The following SLC35D4 variants were observed in gnomAD, a reference collection of about 807,000 sequenced individuals.
The protein encoded by SLC35D4 is UDP-N-acetylglucosamine transporter SLC35D4.
the SLC35D4 span, among the ~76,000 whole-genome samples, chr18:23,373,302 G>A: frequency 6.6e-6 from 1 of 152,176 alleles, no homozygotes; most frequent in Non-Finnish European, 1.5e-5. Flanking sequence ...GCAACAGGGT[G>A]AGACTCTGTC....
the SLC35D4 span, among the ~76,000 whole-genome samples, chr18:23,405,851 A>G: frequency 4.6e-5 from 7 of 152,238 alleles, no homozygotes; most frequent in African/African-American, 1.7e-4. Context: ...GTGCTGTCAC[A>G]ATCCAGTGGG....
the SLC35D4 span, chr18:23,365,706 C>T: frequency 2.1e-5 from 33 of 1,606,446 alleles, no homozygotes; most frequent in African/African-American, 8.0e-5. Flanking sequence ...GAAGTTTCCC[C>T]GGCACCAAAA....
the SLC35D4 span, among the ~76,000 whole-genome samples, chr18:23,374,120 G>A: frequency 6.6e-6 from 1 of 152,120 alleles, no homozygotes; most frequent in South Asian, 2.1e-4. Context: ...ATATACAAGT[G>A]AAAAACTGGG....
chr18:23,381,261 G>A, the SLC35D4 span, among the ~76,000 whole-genome samples: 11 of 152,198 alleles, frequency 7.2e-5, no homozygotes, highest in South Asian at 2.1e-4. Flanking sequence ...GTTTCTTACC[G>A]TTCGTGTAAA....
At chr18:23,274,788 T>G in the SLC35D4 span, among the ~76,000 whole-genome samples, 5 of 152,188 alleles carry the variant, frequency 3.3e-5, no homozygotes, top group African/African-American at 1.2e-4. Flanking sequence ...TCACATCTGA[T>G]TCCAGTGCTC....
the SLC35D4 span, among the ~76,000 whole-genome samples, chr18:23,427,501 T>C: frequency 6.6e-6 from 1 of 151,946 alleles, no homozygotes; most frequent in Non-Finnish European, 1.5e-5. Flanking sequence ...ATGGCGATCA[T>C]TAAAAAGTCA....
the SLC35D4 span, among the ~76,000 whole-genome samples, chr18:23,252,030 G>A: frequency 7.6e-4 from 113 of 148,520 alleles, no homozygotes; most frequent in African/African-American, 2.7e-3. Flanking sequence ...AGGTTGCAGC[G>A]AACCAAGATT....
the SLC35D4 span, among the ~76,000 whole-genome samples, chr18:23,422,581 C>G: frequency 6.6e-6 from 1 of 152,296 alleles, no homozygotes; most frequent in South Asian, 2.1e-4. Context: ...GTCCCCCTCT[C>G]TCCAAGGTTG....
the SLC35D4 span, among the ~76,000 whole-genome samples, chr18:23,389,186 A>T: frequency 6.6e-6 from 1 of 151,952 alleles, no homozygotes; most frequent in Non-Finnish European, 1.5e-5. Context: ...ACGAGGTTTC[A>T]CCATGTTGGC....
At chr18:23,263,283 G>C in the SLC35D4 span, among the ~76,000 whole-genome samples, 5 of 152,216 alleles carry the variant, frequency 3.3e-5, no homozygotes, top group Non-Finnish European at 7.4e-5. Context: ...TTGAGTTAGA[G>C]GAGGTCTTCT....
the SLC35D4 span, among the ~76,000 whole-genome samples, chr18:23,315,321 T>G: frequency 6.6e-6 from 1 of 152,136 alleles, no homozygotes; most frequent in Non-Finnish European, 1.5e-5. Context: ...TAATTCCTAC[T>G]CACCATTCAA....
chr18:23,352,271 A>G, the SLC35D4 span: 1 of 1,607,658 alleles, frequency 6.2e-7, no homozygotes, highest in Non-Finnish European at 8.5e-7. Flanking sequence ...TGAACATGAG[A>G]AAGAATCCCA....
chr18:23,291,779 C>G, the SLC35D4 span, among the ~76,000 whole-genome samples: 1 of 152,174 alleles, frequency 6.6e-6, no homozygotes, highest in Non-Finnish European at 1.5e-5. Context: ...AGTCGCAGAG[C>G]CAGCCCAGAC....
chr18:23,270,974 T>C, the SLC35D4 span, among the ~76,000 whole-genome samples: 1 of 152,216 alleles, frequency 6.6e-6, no homozygotes, highest in East Asian at 1.9e-4. Context: ...TGTGAGGACA[T>C]GAGATTTGGG....
the SLC35D4 span, among the ~76,000 whole-genome samples, chr18:23,286,581 T>C: frequency 9.2e-5 from 14 of 151,950 alleles, no homozygotes; most frequent in Non-Finnish European, 1.8e-4. Context: ...ATGCCGAGCT[T>C]CAGGTAACTC....
the SLC35D4 span, among the ~76,000 whole-genome samples, chr18:23,325,872 C>T: frequency 6.6e-6 from 1 of 152,220 alleles, no homozygotes; most frequent in Non-Finnish European, 1.5e-5. Flanking sequence ...CATCAAGTGT[C>T]CTTCTCTATC....
At chr18:23,246,602 A>T in the SLC35D4 span, among the ~76,000 whole-genome samples, 1 of 151,854 alleles carries the variant, frequency 6.6e-6, no homozygotes, top group African/African-American at 2.4e-5. Flanking sequence ...CGTGTTAGCC[A>T]GGATGGTCTC....
At chr18:23,340,600 A>C in the SLC35D4 span, among the ~76,000 whole-genome samples, 1 of 152,168 alleles carries the variant, frequency 6.6e-6, no homozygotes, top group South Asian at 2.1e-4. Flanking sequence ...CCAAATCAAG[A>C]GACTTATTCT....
At chr18:23,385,204 T>C in the SLC35D4 span, 1 of 713,594 alleles carries the variant, frequency 1.4e-6, no homozygotes, top group Non-Finnish European at 2.3e-6. Context: ...AGCAAAGACT[T>C]CTACATGGAT....
Sources: allele counts gnomAD v4.1 joint callset (sites outside exome capture counted in the v4.1 genomes callset), GRCh38; gene constraint gnomAD v4.1.1; transcripts MANE v1.5; gene names NCBI Gene and HGNC (gene_info 2026-07-23, HGNC 2026-07-21).